Variants in WWOX observed in about 807,000 individuals in gnomAD.
The protein encoded by WWOX is WW domain containing oxidoreductase.
Under a neutral mutation model 46.2 loss-of-function variants are expected in WWOX, and 69 were observed. The ratio of observed to expected loss-of-function variants is 1.49; its 90% confidence interval spans 1.23 to 1.82. The LOEUF is 1.82. Ranked by LOEUF, WWOX falls within the 40% of genes most tolerant of loss-of-function variation. WWOX has a pLI of 0.00. For missense variants in WWOX, 919 were observed against 542.6 expected (o/e 1.69, Z -6.89); for synonymous variants, 359 against 202.6 (o/e 1.77, Z -6.56).
intron 8 of WWOX, among the ~76,000 whole-genome samples, chr16:79,156,451 G>A (rs764585187): frequency 5.3e-5 from 8 of 152,118 alleles, no homozygotes; most frequent in Non-Finnish European, 5.9e-5. Flanking sequence ...GTGAGCCACC[G>A]CTCCCAGCAA....
intron 8 of WWOX, among the ~76,000 whole-genome samples, chr16:78,925,311 C>G (rs1246790486): frequency 6.6e-6 from 1 of 152,184 alleles, no homozygotes; most frequent in Non-Finnish European, 1.5e-5. Flanking sequence ...AAAATAACCC[C>G]TCAACTGCCC....
At chr16:78,188,317 G>A (rs980141478) in intron 5 of WWOX, among the ~76,000 whole-genome samples, 10 of 151,852 alleles carry the variant, frequency 6.6e-5, no homozygotes, top group African/African-American at 2.4e-4. Flanking sequence ...GTGAAACCCC[G>A]TCTTTACTAA....
chr16:78,979,192 A>T (rs973929937), intron 8 of WWOX, among the ~76,000 whole-genome samples: 13 of 151,422 alleles, frequency 8.6e-5, no homozygotes, highest in Non-Finnish European at 1.5e-4. Flanking sequence ...TTCCCCCGTT[A>T]CAAAAAGAAT....
intron 6 of WWOX, among the ~76,000 whole-genome samples, chr16:78,400,783 G>T (rs937148724): frequency 2.6e-5 from 4 of 151,912 alleles, no homozygotes; most frequent in African/African-American, 4.8e-5. Context: ...TGAATACACT[G>T]TTACCCCTCA....
chr16:78,787,242 C>T lies in WWOX; in HGVS notation c.1056+354490C>T, dbSNP rs147413080. 7.2e-4 allele frequency among the ~76,000 whole-genome samples: 110 copies of T among 152,286 alleles called. 1 individual carries two copies. The highest frequency in any genetic ancestry group is 3.1e-3 in the East Asian group (16 of 5,186). ...GTGACTTTTAATACGTTCACAATAT[C>T]GTGCCACAATCAGCAGCCATTTCAG... On this transcript the variant is annotated intron_variant, in intron 8 of 8. Transcript: ENST00000566780.
intron 6 of WWOX, among the ~76,000 whole-genome samples, chr16:78,397,333 G>C (rs1358750893): frequency 6.6e-6 from 1 of 152,152 alleles, no homozygotes; most frequent in Non-Finnish European, 1.5e-5. Flanking sequence ...CATGTGTCAT[G>C]TACAGCTAAG....
At chr16:78,684,846 A>T (rs911321986) in intron 8 of WWOX, among the ~76,000 whole-genome samples, 1 of 152,208 alleles carries the variant, frequency 6.6e-6, no homozygotes, top group Non-Finnish European at 1.5e-5. Context: ...AGAGGGAGCC[A>T]GGAAATACAC....
chr16:78,732,093 C>T (rs1465445869), intron 8 of WWOX, among the ~76,000 whole-genome samples: 1 of 151,962 alleles, frequency 6.6e-6, no homozygotes, highest in Non-Finnish European at 1.5e-5. Flanking sequence ...CAAACTCATG[C>T]CCTCAAATGA....
At chr16:78,887,589 TG>T (rs1214583486) in intron 8 of WWOX, among the ~76,000 whole-genome samples, 1 of 151,700 alleles carries the variant, frequency 6.6e-6, no homozygotes, top group African/African-American at 2.4e-5. Flanking sequence ...GTTGAACAAG[TG>T]GCTGAAAATG....
intron 8 of WWOX, among the ~76,000 whole-genome samples, chr16:78,832,241 T>C (rs111431911): frequency 7.4e-4 from 113 of 152,242 alleles, no homozygotes; most frequent in African/African-American, 2.6e-3. Flanking sequence ...GAGGCCTCAG[T>C]TCTTCACCAT....
At chr16:78,916,165 T>C (rs1343279964) in intron 8 of WWOX, among the ~76,000 whole-genome samples, 1 of 152,060 alleles carries the variant, frequency 6.6e-6, no homozygotes, top group Non-Finnish European at 1.5e-5. Context: ...CTCAGCCGAA[T>C]CCTAAACACG....
At chr16:78,612,764 A>G (rs1353644307) in intron 8 of WWOX, among the ~76,000 whole-genome samples, 1 of 152,120 alleles carries the variant, frequency 6.6e-6, no homozygotes, top group African/African-American at 2.4e-5. Context: ...GGCATGAGCC[A>G]CCCCACCCAG....
intron 5 of WWOX, among the ~76,000 whole-genome samples, chr16:78,272,202 C>A (rs2079490549): frequency 6.6e-6 from 1 of 152,106 alleles, no homozygotes. Context: ...TGGGGTCAGT[C>A]AGTGGTGCTA....
intron 8 of WWOX, among the ~76,000 whole-genome samples, chr16:78,865,995 G>A (rs1167822579): frequency 6.6e-6 from 1 of 152,132 alleles, no homozygotes; most frequent in Non-Finnish European, 1.5e-5. Flanking sequence ...CACATACTAC[G>A]CAGAAAGGGA....
At chr16:78,544,423 G>A (rs1486861296) in intron 8 of WWOX, among the ~76,000 whole-genome samples, 1 of 152,092 alleles carries the variant, frequency 6.6e-6, no homozygotes, top group South Asian at 2.1e-4. Context: ...ATCTTATTAA[G>A]TAGTCAGTTC....
chr16:78,624,324 C>A (rs1220433423), intron 8 of WWOX, among the ~76,000 whole-genome samples: 1 of 151,840 alleles, frequency 6.6e-6, no homozygotes, highest in Non-Finnish European at 1.5e-5. Flanking sequence ...AGTTTCTCTG[C>A]CTCCTTTGCT....
intron 8 of WWOX, among the ~76,000 whole-genome samples, chr16:78,573,546 G>C (rs1195528191): frequency 6.6e-6 from 1 of 152,168 alleles, no homozygotes; most frequent in Admixed American, 6.5e-5. Flanking sequence ...AAAACATTCA[G>C]TGGCTCCCTG....
chr16:78,386,859 G>C lies in WWOX; in HGVS notation c.517-1G>C. The C allele has an allele frequency of 6.2e-7, 1 of 1,613,416 alleles. No individual in the cohort carries two copies. The highest frequency in any genetic ancestry group is 8.5e-7 in the Non-Finnish European group (1 of 1,179,442). ...TTTCTTTTTATTTTCTCTCATTGCA[G>C]CATAAAGCCAAGGTAGAAGCAATGA... On this transcript the variant is annotated splice_acceptor_variant, in intron 5 of 8. Coordinates refer to ENST00000566780, the MANE Select transcript of WWOX (RefSeq NM_016373.4). LOFTEE classifies it high-confidence loss of function.
intron 8 of WWOX, among the ~76,000 whole-genome samples, chr16:78,676,356 A>C (rs1482215552): frequency 2.6e-5 from 4 of 151,080 alleles, no homozygotes; most frequent in Non-Finnish European, 5.9e-5. Flanking sequence ...AGATCTTGTC[A>C]CTTAGGCCTT....
Sources: gnomAD v4.1 joint callset for allele counts (sites outside exome capture counted in the v4.1 genomes callset) on GRCh38, gnomAD v4.1.1 for gene constraint, MANE v1.5 for transcripts, NCBI Gene and HGNC (gene_info 2026-07-23, HGNC 2026-07-21) for gene names.